Variants in SMYD2 observed in about 807,000 individuals in gnomAD.
The protein encoded by SMYD2 is SET and MYND domain containing 2.
Under a neutral mutation model 59.1 loss-of-function variants are expected in SMYD2, and 53 were observed. That is an observed-to-expected ratio of 0.90 (90% confidence interval 0.72 to 1.13). The LOEUF (loss-of-function observed/expected upper bound fraction) is 1.13, where lower values mean the gene tolerates loss of function less well. Among genes scored for constraint, SMYD2 ranks in the 50% most tolerant of loss-of-function variants. The pLI is 0.00. For synonymous variants in SMYD2, 208 were observed against 198.8 expected (o/e 1.05, Z -0.39); for missense variants, 494 against 544.7 (o/e 0.91, Z 0.93).
At chr1:214,320,043 AAAAG>A (rs1350295375) in intron 5 of SMYD2, among the ~76,000 whole-genome samples, 3 of 152,364 alleles carry the variant, frequency 2.0e-5, no homozygotes, top group Non-Finnish European at 2.9e-5. Context: ...CCAAAGGCAG[AAAAG>A]AAAGAAGGAA....
intron 1 of SMYD2, among the ~76,000 whole-genome samples, chr1:214,296,287 T>C (rs1391261401): frequency 6.6e-6 from 1 of 152,248 alleles, no homozygotes; most frequent in Non-Finnish European, 1.5e-5. Flanking sequence ...ACTGTGTGTG[T>C]CTCCTCCAGT....
intron 3 of SMYD2, among the ~76,000 whole-genome samples, chr1:214,317,018 G>A (rs1657097063): frequency 6.6e-6 from 1 of 152,100 alleles, no homozygotes; most frequent in African/African-American, 2.4e-5. Context: ...AATTATTGAT[G>A]ATATTTATAG....
intron 2 of SMYD2, among the ~76,000 whole-genome samples, chr1:214,314,444 C>G (rs1657048882): frequency 6.6e-6 from 1 of 152,142 alleles, no homozygotes; most frequent in African/African-American, 2.4e-5. Flanking sequence ...AATTTGACAG[C>G]TTGCACAGAT....
chr1:214,302,767 A>G (rs918273968), intron 1 of SMYD2, among the ~76,000 whole-genome samples: 2 of 152,076 alleles, frequency 1.3e-5, no homozygotes, highest in African/African-American at 4.8e-5. Context: ...TCTCCTTGGG[A>G]TGTTACGTGG....
At chr1:214,288,091 TC>T (rs1656579760) in intron 1 of SMYD2, among the ~76,000 whole-genome samples, 1 of 152,188 alleles carries the variant, frequency 6.6e-6, no homozygotes, top group Non-Finnish European at 1.5e-5. Context: ...GAAGTGAAAT[TC>T]AAACCCTGGT....
At chr1:214,330,070 C>T in intron 7 of SMYD2, 98 bp from the exon 8 acceptor site, 1 of 713,062 alleles carries the variant, frequency 1.4e-6, no homozygotes, top group Non-Finnish European at 2.3e-6. Context: ...CCGCCTTATC[C>T]TCTGCATGGG....
intron 1 of SMYD2, among the ~76,000 whole-genome samples, chr1:214,301,822 C>A (rs377063874): frequency 6.7e-6 from 1 of 148,366 alleles, no homozygotes; most frequent in Admixed American, 6.7e-5. Flanking sequence ...GTGGCTAGTT[C>A]AGTTTACAAT....
In SMYD2 at chr1:214,318,760, TC is replaced by T; in HGVS notation, c.410-98del. 8.0e-6 allele frequency: 11 copies of T among 1,377,322 alleles called. No homozygotes were observed. Among genetic ancestry groups the T allele is most frequent in the South Asian group, 1.5e-5 (1 of 67,512 alleles). The allele number at this position is 1,377,322 out of a possible 1,614,324, so 85.3% of individuals were successfully genotyped here. On this transcript the variant is annotated intron_variant, in intron 4 of 11. Coordinates refer to ENST00000366957, the MANE Select transcript of SMYD2 (RefSeq NM_020197.3). The surrounding 1 kb of genome is among the most constrained non-coding windows in gnomAD (Gnocchi z 5.4). ...ATGTTAGTTTTGGGTTTTTTTTTTT[TC>T]GCCCGTTCCTTTCCTCTGTATCATT...
chr1:214,311,191 G>A (rs1357058596), intron 2 of SMYD2, among the ~76,000 whole-genome samples: 1 of 152,196 alleles, frequency 6.6e-6, no homozygotes, highest in Non-Finnish European at 1.5e-5. Flanking sequence ...TGCCTCTAGG[G>A]TCAGTTGCAG....
At chr1:214,334,620 A>G (rs1013508710) in intron 11 of SMYD2, among the ~76,000 whole-genome samples, 1 of 152,190 alleles carries the variant, frequency 6.6e-6, no homozygotes, top group African/African-American at 2.4e-5. Context: ...GATTTTCAGA[A>G]TGATGATCCC....
chr1:214,316,334 T>A (rs1657084777), intron 3 of SMYD2, among the ~76,000 whole-genome samples: 1 of 151,980 alleles, frequency 6.6e-6, no homozygotes, highest in South Asian at 2.1e-4. Context: ...TAAAAAAATT[T>A]CCCAGGTGTG....
At chr1:214,288,837 A>G (rs1474722381) in intron 1 of SMYD2, among the ~76,000 whole-genome samples, 1 of 151,934 alleles carries the variant, frequency 6.6e-6, no homozygotes, top group Admixed American at 6.6e-5. Context: ...TATTTTTAAT[A>G]TTACGCTAGG....
intron 11 of SMYD2, among the ~76,000 whole-genome samples, chr1:214,334,536 C>T (rs1657406499): frequency 6.6e-6 from 1 of 152,148 alleles, no homozygotes; most frequent in Admixed American, 6.5e-5. Context: ...AATGGGTGCC[C>T]ACATCCAGAG....
intron 11 of SMYD2, among the ~76,000 whole-genome samples, chr1:214,336,165 A>G (rs964480174): frequency 1.8e-4 from 9 of 49,280 alleles, no homozygotes; most frequent in South Asian, 1.4e-3. Flanking sequence ...CTCCAGCTGG[A>G]TATTTTTGCA....
chr1:214,288,201 C>A lies in SMYD2; in HGVS notation c.173+6774C>A, dbSNP rs544386303. ...GAAGAACCTGTATAAAATGGCATTTCTTTAAATCATATTGCTCTTTGCAGC... is the reference window on the plus strand; with the variant it reads ...GAAGAACCTGTATAAAATGGCATTTATTTAAATCATATTGCTCTTTGCAGC... On this transcript the variant is annotated intron_variant, in intron 1 of 11. Transcript: ENST00000366957. Among the ~76,000 whole-genome samples the A allele has an allele frequency of 9.8e-5, 15 of 152,338 alleles. No homozygotes were observed. In the South Asian group the frequency reaches 1.5e-3, roughly 15 times the overall value.
chr1:214,297,143 G>T (rs889266004), intron 1 of SMYD2, among the ~76,000 whole-genome samples: 2 of 152,090 alleles, frequency 1.3e-5, no homozygotes, highest in African/African-American at 4.8e-5. Flanking sequence ...AAGCACACTG[G>T]AATCTCCTGG....
At chr1:214,294,109 C>G (rs576059361) in intron 1 of SMYD2, among the ~76,000 whole-genome samples, 1 of 152,248 alleles carries the variant, frequency 6.6e-6, no homozygotes, top group South Asian at 2.1e-4. Context: ...CTTACTGCCT[C>G]ATGTGCAAGG....
chr1:214,317,938 T>C lies in SMYD2; in HGVS notation c.349-141T>C, dbSNP rs1282648859. On this transcript the variant is annotated intron_variant, in intron 3 of 11. Coordinates refer to ENST00000366957, the MANE Select transcript of SMYD2 (RefSeq NM_020197.3). Reference sequence around the variant, plus strand: ...GGATTTGGCTGGTGGAGAGCCCTAGTGGTGGAGTCCTTGAGTAGCTTGTTT... The same window carrying C: ...GGATTTGGCTGGTGGAGAGCCCTAGCGGTGGAGTCCTTGAGTAGCTTGTTT... 5.0e-6 allele frequency: 4 copies of C among 792,194 alleles called. No individual in the cohort carries two copies. The Admixed American group carries it at 6.7e-5, about 13-fold the overall frequency. 49.1% of individuals were successfully genotyped at this position (792,194 alleles called of 1,614,324 possible). A position where few individuals can be genotyped will look rare whatever the true frequency, so the allele number is the denominator to read the frequency against.
intron 2 of SMYD2, among the ~76,000 whole-genome samples, chr1:214,305,549 CAAAT>C (rs1656902959): frequency 1.3e-5 from 2 of 152,202 alleles, no homozygotes; most frequent in African/African-American, 4.8e-5. Context: ...GCAGAGTTGA[CAAAT>C]AAACAATATT....
Sources: allele counts gnomAD v4.1 joint callset (sites outside exome capture counted in the v4.1 genomes callset), GRCh38; gene constraint gnomAD v4.1.1; non-coding constraint Gnocchi (gnomAD v3.1); transcripts MANE v1.5; gene names NCBI Gene and HGNC (gene_info 2026-07-23, HGNC 2026-07-21).